ERBB4: variants seen among roughly 807,000 people sequenced by gnomAD.
ERBB4 encodes the protein erb-b2 receptor tyrosine kinase 4, also known as receptor tyrosine-protein kinase erbB-4.
Under a neutral mutation model 158.0 loss-of-function variants are expected in ERBB4, and 42 were observed. The ratio of observed to expected loss-of-function variants is 0.27; its 90% CI spans 0.21 to 0.34. ERBB4 has a LOEUF of 0.34. ERBB4 is among the 10% of genes least tolerant of loss of function. The pLI is 1.00. For missense variants in ERBB4, 1,333 were observed against 1,624.1 expected (o/e 0.82, Z 3.08); for synonymous variants, 583 against 558.7 (o/e 1.04, Z -0.61).
At chr2:211,575,237 T>C (rs1201756830) in intron 19 of ERBB4, among the ~76,000 whole-genome samples, 2 of 152,212 alleles carry the variant, frequency 1.3e-5, no homozygotes, top group Non-Finnish European at 2.9e-5. Context: ...GCATGATCAA[T>C]ATAAGATTAA....
intron 19 of ERBB4, among the ~76,000 whole-genome samples, chr2:211,570,458 G>A (rs931632633): frequency 2.0e-5 from 3 of 150,384 alleles, no homozygotes; most frequent in Non-Finnish European, 3.0e-5. Flanking sequence ...GAGCCACCAT[G>A]CCAGGCCTCT....
intron 1 of ERBB4, among the ~76,000 whole-genome samples, chr2:212,300,768 T>C (rs1424580277): frequency 6.6e-6 from 1 of 151,444 alleles, no homozygotes; most frequent in Non-Finnish European, 1.5e-5. Context: ...TAAGAGAACC[T>C]GCGTTCGAAT....
chr2:211,704,384 G>A (rs1328792894), intron 10 of ERBB4, among the ~76,000 whole-genome samples, 190 bp from the exon 11 acceptor site: 1 of 152,074 alleles, frequency 6.6e-6, no homozygotes, highest in Admixed American at 6.5e-5. Flanking sequence ...CAATAAAACT[G>A]TATATGTTGA....
At chr2:212,416,744 C>T (rs1189348166) in intron 1 of ERBB4, among the ~76,000 whole-genome samples, 1 of 152,032 alleles carries the variant, frequency 6.6e-6, no homozygotes, top group East Asian at 1.9e-4. Context: ...AAGGAAATTA[C>T]TCCCTTAATG....
intron 16 of ERBB4, 113 bp downstream of exon 16, chr2:211,657,641 G>T: frequency 2.4e-6 from 2 of 824,952 alleles, no homozygotes; most frequent in South Asian, 1.4e-5. Context: ...TTTCCAATTT[G>T]ATATATTATG....
intron 4 of ERBB4, among the ~76,000 whole-genome samples, chr2:211,754,160 A>C (rs1161423730): frequency 6.6e-6 from 1 of 152,070 alleles, no homozygotes; most frequent in African/African-American, 2.4e-5. Context: ...GCGCCTGGCC[A>C]AAAGTCCTGA....
intron 20 of ERBB4, among the ~76,000 whole-genome samples, chr2:211,439,665 A>C (rs1320609016): frequency 6.6e-6 from 1 of 152,172 alleles, no homozygotes; most frequent in Non-Finnish European, 1.5e-5. Flanking sequence ...TCTGTACATC[A>C]ATTTCCTTGT....
intron 2 of ERBB4, among the ~76,000 whole-genome samples, chr2:212,011,332 T>C (rs1047739244): frequency 3.9e-5 from 6 of 152,158 alleles, no homozygotes; most frequent in African/African-American, 1.4e-4. Flanking sequence ...ATTTAAAATT[T>C]TATTTTAAAT....
intron 12 of ERBB4, among the ~76,000 whole-genome samples, chr2:211,681,350 C>G (rs1039993519): frequency 6.6e-6 from 1 of 152,106 alleles, no homozygotes. Context: ...TATGGGCATA[C>G]ACTTTCTTGT....
chr2:211,718,050 T>G (rs1423950788), intron 7 of ERBB4, among the ~76,000 whole-genome samples: 1 of 152,042 alleles, frequency 6.6e-6, no homozygotes, highest in African/African-American at 2.4e-5. Context: ...TAGCTGGGAT[T>G]ACAGGTGTGT....
At chr2:211,868,177 G>A (rs1002074300) in intron 3 of ERBB4, among the ~76,000 whole-genome samples, 2 of 152,108 alleles carry the variant, frequency 1.3e-5, no homozygotes, top group African/African-American at 2.4e-5. Flanking sequence ...AGTTAAATAT[G>A]GTATTTCTAC....
rs1018052262 is a variant in ERBB4 at position 211,888,960 on chromosome 2, C to T, written c.421+58470G>A. On this transcript the variant is annotated intron_variant, in intron 3 of 27. Transcript: ENST00000342788. ...CTGAGATCAAACTGCAAGGCAGCAG[C>T]GAGGCTGGGGGAGGGGCGCCCGCCA... Among the ~76,000 whole-genome samples, 45 of 150,916 alleles carry T rather than the reference C, an allele frequency of 3.0e-4. 1 individual carries two copies. Among genetic ancestry groups the T allele is most frequent in the African/African-American group, 8.9e-4 (36 of 40,644 alleles).
intron 20 of ERBB4, among the ~76,000 whole-genome samples, chr2:211,543,874 T>G (rs1574713162): frequency 1.3e-5 from 2 of 150,254 alleles, no homozygotes; most frequent in East Asian, 1.9e-4. Flanking sequence ...AAAAGAAAGG[T>G]TTTCTACTAC....
At chr2:212,514,181 T>TAA (rs535684834) in intron 1 of ERBB4, among the ~76,000 whole-genome samples, 50 of 138,372 alleles carry the variant, frequency 3.6e-4, no homozygotes, top group Admixed American at 6.5e-4. Flanking sequence ...TGAAATTGTG[T>TAA]AAAAAAAAAA....
chr2:211,613,812 T>G (rs2069286966), intron 19 of ERBB4, among the ~76,000 whole-genome samples: 2 of 152,046 alleles, frequency 1.3e-5, no homozygotes, highest in African/African-American at 2.4e-5. Flanking sequence ...CCTCATACAC[T>G]GTTGGTGCAA....
chr2:211,443,618 T>G (rs1300424729), intron 20 of ERBB4, among the ~76,000 whole-genome samples: 1 of 152,076 alleles, frequency 6.6e-6, no homozygotes, highest in Non-Finnish European at 1.5e-5. Context: ...AACCCATTCC[T>G]GTTTATCATT....
chr2:212,073,934 G>A (rs898299657), intron 2 of ERBB4, among the ~76,000 whole-genome samples: 1 of 151,996 alleles, frequency 6.6e-6, no homozygotes, highest in Non-Finnish European at 1.5e-5. Context: ...AGAAAAACAT[G>A]CAACTGAAAT....
intron 3 of ERBB4, among the ~76,000 whole-genome samples, chr2:211,828,588 C>T (rs1053021865): frequency 6.6e-6 from 1 of 152,094 alleles, no homozygotes; most frequent in African/African-American, 2.4e-5. Flanking sequence ...GTCACTGTTG[C>T]TACTGTTAAG....
intron 1 of ERBB4, among the ~76,000 whole-genome samples, chr2:212,134,878 G>T (rs899228304): frequency 1.1e-4 from 16 of 151,840 alleles, no homozygotes; most frequent in Non-Finnish European, 1.9e-4. Flanking sequence ...GTAGGGATGG[G>T]GGTTTCACCG....
Sources: allele counts gnomAD v4.1 joint callset (sites outside exome capture counted in the v4.1 genomes callset), GRCh38; gene constraint gnomAD v4.1.1; transcripts MANE v1.5; gene names NCBI Gene and HGNC (gene_info 2026-07-23, HGNC 2026-07-21).